NUP188: variants seen among roughly 807,000 people sequenced by gnomAD.
The protein encoded by NUP188 is nucleoporin 188.
A neutral mutation model predicts 223.0 loss-of-function variants in NUP188; 97 were observed. The ratio of observed to expected loss-of-function variants is 0.43; its 90% CI spans 0.37 to 0.51. The LOEUF (loss-of-function observed/expected upper bound fraction) is 0.51. NUP188 is among the 20% of genes least tolerant of loss of function. The probability of loss-of-function intolerance (pLI) is 0.00; values close to 1 mark genes in which losing one functional copy is unlikely to be tolerated. For synonymous variants in NUP188, 869 were observed against 828.0 expected (o/e 1.05, Z -0.85); for missense variants, 1,947 against 2,175.6 (o/e 0.89, Z 2.09).
chr9:129,002,110 C>A (rs934045785), intron 36 of NUP188, 134 bp downstream of exon 36: 1 of 705,446 alleles, frequency 1.4e-6, no homozygotes, highest in Admixed American at 2.3e-5. Context: ...AGGAATCTTC[C>A]CTGCCCCCAG....
chr9:128,982,532 T>A lies in NUP188; in HGVS notation c.1517-17T>A. 6.3e-7 allele frequency: 1 copy of A among 1,599,616 alleles called. No homozygotes were observed. Among genetic ancestry groups the A allele is most frequent in the Non-Finnish European group, 8.5e-7 (1 of 1,173,766 alleles). On this transcript the variant is annotated splice_polypyrimidine_tract_variant and intron_variant, in intron 15 of 43. Transcript: ENST00000372577. ...ATTTATCCTCAGATATTAGACTAAT[T>A]TATCTTTCTCTCTCAGGGGGTCAAA...
intron 1 of NUP188, chr9:128,948,056 C>T (rs1057152122): frequency 1.3e-5 from 4 of 302,150 alleles, no homozygotes; most frequent in Admixed American, 5.1e-5. Flanking sequence ...TGGCGCCCCA[C>T]CCGCGCTTCC....
Position 128,949,311 on chromosome 9 carries a change from T to G in NUP188, c.87+68T>G. 6.4e-6 allele frequency: 7 copies of G among 1,100,846 alleles called. No homozygotes were observed. In the South Asian group the frequency reaches 9.2e-5, roughly 15 times the overall value. 68.2% of individuals were successfully genotyped at this position (1,100,846 alleles called of 1,614,324 possible). On this transcript the variant is annotated intron_variant, in intron 2 of 43. Coordinates refer to ENST00000372577, the MANE Select transcript of NUP188 (RefSeq NM_015354.3). ...GTAGCTTTTGTTACCAAAAAAAACC[T>G]TTTTTTAAATGTAGGAAGTAAACAC...
intron 25 of NUP188, 54 bp from the exon 26 acceptor site, chr9:128,993,143 T>C (rs574891057): frequency 2.9e-5 from 42 of 1,453,746 alleles, no homozygotes; most frequent in South Asian, 5.7e-5. Context: ...TGGGAGCCCA[T>C]TGAGGTTTTT....
chr9:128,950,071 C>A (rs549170571), intron 2 of NUP188, among the ~76,000 whole-genome samples: 2 of 150,396 alleles, frequency 1.3e-5, no homozygotes, highest in East Asian at 3.9e-4. Context: ...TAGAGGTGCC[C>A]ACCACCACGC....
intron 8 of NUP188, among the ~76,000 whole-genome samples, chr9:128,962,466 G>A (rs1841969467): frequency 2.0e-5 from 3 of 151,886 alleles, no homozygotes; most frequent in African/African-American, 7.3e-5. Flanking sequence ...AGCCAGGATG[G>A]TGTTGGTCTC....
At position 129,003,536 on chromosome 9, in the gene NUP188, A is replaced by C. The variant is rs753551129; in HGVS notation, c.4434+82A>C. 8 of 1,478,558 alleles carry C rather than the reference A, an allele frequency of 5.4e-6. No homozygotes were observed. In the African/African-American group the frequency reaches 1.1e-4, roughly 20 times the overall value. 91.6% of individuals were successfully genotyped at this position (1,478,558 alleles called of 1,614,324 possible). A position where few individuals can be genotyped will look rare whatever the true frequency, so the allele number is the denominator to read the frequency against. ...TGTGAGGTCTCACTGGGGCACTCCT[A>C]GTGAATTGCAGGATGTTCCTGAACG... On this transcript the variant is annotated intron_variant, in intron 38 of 43. Coordinates refer to ENST00000372577, the MANE Select transcript of NUP188 (RefSeq NM_015354.3).
chr9:128,995,765 T>A (rs1470998983), intron 30 of NUP188, among the ~76,000 whole-genome samples: 1 of 152,172 alleles, frequency 6.6e-6, no homozygotes, highest in Non-Finnish European at 1.5e-5. Context: ...CTCCTGTACC[T>A]CCCTTAGGCC....
Position 129,006,338 on chromosome 9 carries a change from G to T in NUP188, c.5043G>T (p.Gln1681His). 6.2e-7 allele frequency: 1 copy of T among 1,614,226 alleles called. No homozygotes were observed. The highest frequency in any genetic ancestry group is 8.5e-7 in the Non-Finnish European group (1 of 1,180,040). Residue 1681 changes from glutamine (Q) to histidine (H), a missense_variant, in exon 43 of 44, where the codon CAG becomes CAT. By Grantham distance (24) the Gln-to-His change is conservative. Transcript: ENST00000372577. ...CGGCTGTGCACCCCCGGGACAAACA[G>T]CGGATGAAGCAGGAGCTCAGCTCTG... ...RDPAVHPRDK[Q>H]RMKQELSSEL... is the part of the protein sequence containing the mutation.
intron 30 of NUP188, among the ~76,000 whole-genome samples, chr9:128,997,779 G>A (rs1407187636): frequency 1.3e-5 from 2 of 152,148 alleles, no homozygotes; most frequent in African/African-American, 4.8e-5. Context: ...GGAGTGCAGT[G>A]GTGCGATCTC....
intron 31 of NUP188, 105 bp downstream of exon 31, chr9:128,998,333 A>G: frequency 8.7e-7 from 1 of 1,153,776 alleles, no homozygotes; most frequent in Non-Finnish European, 1.3e-6. Flanking sequence ...TAGTCAGGTC[A>G]CAGGGCTCAC....
chr9:128,993,785 C>A, intron 27 of NUP188, 91 bp downstream of exon 27: 1 of 1,203,350 alleles, frequency 8.3e-7, no homozygotes, highest in Non-Finnish European at 1.2e-6. Context: ...TGTGACAGTT[C>A]ACTGGGAATA....
intron 38 of NUP188, among the ~76,000 whole-genome samples, chr9:129,004,232 G>A (rs1279962264): frequency 1.4e-5 from 2 of 147,484 alleles, no homozygotes; most frequent in African/African-American, 2.5e-5. Context: ...GCAGTGAGCC[G>A]AGGTCACGCC....
intron 10 of NUP188, among the ~76,000 whole-genome samples, chr9:128,970,084 C>T (rs1358636538): frequency 5.3e-5 from 8 of 152,266 alleles, no homozygotes; most frequent in Admixed American, 1.3e-4. Flanking sequence ...CATGCCACCA[C>T]GTCCAGTTAA....
intron 8 of NUP188, among the ~76,000 whole-genome samples, chr9:128,961,947 T>C (rs2131146785): frequency 6.6e-6 from 1 of 150,538 alleles, no homozygotes; most frequent in Admixed American, 6.6e-5. Flanking sequence ...ACTCTTTTTT[T>C]TTTTTTTGGA....
chr9:128,948,759 T>A (rs1421084510), intron 1 of NUP188: 1 of 124,356 alleles, frequency 8.0e-6, no homozygotes, highest in Admixed American at 1.0e-4. Flanking sequence ...GGAGTCTCGC[T>A]CTGTCGCCCA....
At chr9:128,976,966 T>A (rs1181343169) in intron 12 of NUP188, among the ~76,000 whole-genome samples, 6 of 151,912 alleles carry the variant, frequency 3.9e-5, no homozygotes, top group Admixed American at 3.9e-4. Flanking sequence ...TAGTCCCAGC[T>A]ACTCAGGAGG....
At position 128,981,245 on chromosome 9, in the gene NUP188, G is replaced by GT. The variant is rs1359075860; in HGVS notation, c.1390-13dup. 6 of 1,610,604 alleles carry GT rather than the reference G, an allele frequency of 3.7e-6. No individual in the cohort carries two copies. Among genetic ancestry groups the GT allele is most frequent in the South Asian group, 3.3e-5 (3 of 90,322 alleles). Reference sequence around the variant, plus strand: ...TTATCCTGGAGGGAAATGTGTGATGGTTTTTTCTGTTTTGGCAGGTGTATA... The same window carrying GT: ...TTATCCTGGAGGGAAATGTGTGATGGTTTTTTTCTGTTTTGGCAGGTGTATA... On this transcript the variant is annotated intron_variant, in intron 14 of 43. Coordinates refer to ENST00000372577, the MANE Select transcript of NUP188 (RefSeq NM_015354.3).
At position 128,949,244 on chromosome 9, in the gene NUP188, G is replaced by T; in HGVS notation, c.87+1G>T. On this transcript the variant is annotated splice_donor_variant, in intron 2 of 43. Coordinates refer to ENST00000372577, the MANE Select transcript of NUP188 (RefSeq NM_015354.3). LOFTEE classifies it high-confidence loss of function. The stretch of plus-strand genomic sequence containing the variant: ...TGGAAGGTCAGCTCTGAGAGAGCTG[G>T]TAAGTGGTGGTGTTCTTGAGTGGGT... 6.2e-7 allele frequency: 1 copy of T among 1,607,394 alleles called. No homozygotes were observed. The highest frequency in any genetic ancestry group is 8.5e-7 in the Non-Finnish European group (1 of 1,174,104).
Sources: gnomAD v4.1 joint callset for allele counts (sites outside exome capture counted in the v4.1 genomes callset) on GRCh38, gnomAD v4.1.1 for gene constraint, MANE v1.5 for transcripts, NCBI Gene and HGNC (gene_info 2026-07-23, HGNC 2026-07-21) for gene names.